Variants in RHBG observed in about 807,000 individuals in gnomAD.
RHBG encodes the protein ammonium transporter Rh type B.
A neutral mutation model predicts 40.1 loss-of-function variants in RHBG; 39 were observed. The observed-to-expected ratio is 0.97, with a 90% CI of 0.75 to 1.27. The LOEUF (loss-of-function observed/expected upper bound fraction) is 1.27. Ranked by LOEUF, RHBG falls within the 50% of genes most tolerant of loss-of-function variation. RHBG has a pLI of 0.00. For missense variants in RHBG, 549 were observed against 588.1 expected (o/e 0.93, Z 0.69); for synonymous variants, 237 against 252.5 (o/e 0.94, Z 0.58).
intron 1 of RHBG, among the ~76,000 whole-genome samples, chr1:156,370,494 C>T (rs1277873984): frequency 2.7e-5 from 4 of 150,660 alleles, no homozygotes; most frequent in East Asian, 1.9e-4. Flanking sequence ...CGCCTGTAAT[C>T]GCTGCTACTT....
At chr1:156,381,286 C>T in intron 4 of RHBG, 61 bp from the exon 5 acceptor site, 1 of 1,564,838 alleles carries the variant, frequency 6.4e-7, no homozygotes, top group Non-Finnish European at 8.8e-7. Context: ...AGTTATACAA[C>T]TTGTACCTTG....
intron 1 of RHBG, among the ~76,000 whole-genome samples, chr1:156,375,775 C>G (rs1177155646): frequency 6.6e-6 from 1 of 150,956 alleles, no homozygotes; most frequent in Non-Finnish European, 1.5e-5. Context: ...GAATCTCACT[C>G]TGTTGCCAGG....
At chr1:156,374,587 ATTTT>A (rs34071665) in intron 1 of RHBG, 114 of 381,080 alleles carry the variant, frequency 3.0e-4, no homozygotes, top group Admixed American at 8.8e-4. Context: ...ACAGGATTCC[ATTTT>A]TTTTTTTTTT....
rs780293488 is a variant in RHBG, at chr1:156,382,027, G to T, written c.979-41G>T. 6.8e-6 allele frequency: 11 copies of T among 1,610,166 alleles called. No homozygotes were observed. The South Asian group carries it at 9.9e-5, about 15-fold the overall frequency. On this transcript the variant is annotated intron_variant, in intron 6 of 9. Coordinates refer to ENST00000537040, the MANE Select transcript of RHBG (RefSeq NM_020407.5). ...CCTCTCCAACAGGATGAGGTGGTGG[G>T]GAGTGGGCACAGGAGACTCATGATC...
intron 1 of RHBG, among the ~76,000 whole-genome samples, chr1:156,369,893 G>C (rs1287436052): frequency 9.9e-5 from 15 of 152,272 alleles, no homozygotes; most frequent in Admixed American, 9.2e-4. Flanking sequence ...GAAGGTAAGA[G>C]TGGGGTTGTG....
rs1486961951 is a variant in RHBG at position 156,381,459 on chromosome 1, C to G, written c.786C>G (p.Thr262=). ...CATACTACTCCCTGGCTGCCAGCAC[C>G]CTTGGCACCTTTGCCTTGTCAGCCC... ...LNTYYSLAAS[T]LGTFALSALV... Residue 262 remains threonine, a synonymous_variant, in exon 5 of 10, where the codon ACC becomes ACG. Coordinates refer to ENST00000537040, the MANE Select transcript of RHBG (RefSeq NM_020407.5). The G allele has an allele frequency of 6.2e-7, 1 of 1,613,844 alleles. No individual in the cohort carries two copies. The highest frequency in any genetic ancestry group is 1.3e-5 in the African/African-American group (1 of 74,904).
At chr1:156,376,576 CTGG>C (rs1208002045) in intron 1 of RHBG, among the ~76,000 whole-genome samples, 1 of 152,140 alleles carries the variant, frequency 6.6e-6, no homozygotes, top group Non-Finnish European at 1.5e-5. Flanking sequence ...GTTGGCCAGG[CTGG>C]TCTTGAACTC....
intron 7 of RHBG, 46 bp downstream of exon 7, chr1:156,382,247 T>C: frequency 6.2e-7 from 1 of 1,613,038 alleles, no homozygotes; most frequent in Non-Finnish European, 8.5e-7. Context: ...CCATCTGGAA[T>C]GACCTCTGTC....
intron 8 of RHBG, among the ~76,000 whole-genome samples, chr1:156,383,133 C>T (rs531601058): frequency 6.6e-6 from 1 of 152,312 alleles, no homozygotes; most frequent in East Asian, 1.9e-4. Flanking sequence ...GTGCTGCTCC[C>T]TCTGCCCACT....
intron 1 of RHBG, among the ~76,000 whole-genome samples, chr1:156,374,069 C>T (rs141808903): frequency 6.5e-4 from 99 of 152,212 alleles, no homozygotes; most frequent in Non-Finnish European, 1.2e-3. Context: ...GGATGGGGGC[C>T]GCACAGCAGG....
chr1:156,377,894 C>T lies in RHBG; in HGVS notation c.375-96C>T. 1.6e-6 allele frequency: 2 copies of T among 1,272,386 alleles called. No homozygotes were observed. Among genetic ancestry groups the T allele is most frequent in the East Asian group, 4.8e-5 (2 of 41,406 alleles). The allele number at this position is 1,272,386 out of a possible 1,614,324, so 78.8% of individuals were successfully genotyped here. A position where few individuals can be genotyped will look rare whatever the true frequency, so the allele number is the denominator to read the frequency against. ...CTCCAGAACTCCAACCCCACCCCACCCACCACATCATGCTGTCCTGGCTTC... is the reference window on the plus strand; with the variant it reads ...CTCCAGAACTCCAACCCCACCCCACTCACCACATCATGCTGTCCTGGCTTC... On this transcript the variant is annotated intron_variant, in intron 2 of 9. Transcript: ENST00000537040. The surrounding 1 kb of genome is among the most constrained non-coding windows in gnomAD (Gnocchi z 4.6).
Position 156,378,358 on chromosome 1 carries a change from G to T in RHBG, c.632G>T (p.Arg211Leu), listed in dbSNP as rs759526546. 1.9e-5 allele frequency: 31 copies of T among 1,612,486 alleles called. No individual in the cohort carries two copies. Among genetic ancestry groups the T allele is most frequent in the Non-Finnish European group, 2.5e-5 (30 of 1,179,268 alleles). ...CCCCAGCTGGAGAAGAGCAAGCACC[G>T]CCAGGGCTCCGTCTACCATTCAGAC... ...YRPQLEKSKH[R>L]QGSVYHSDLF... The change falls in exon 4 of 10, where the codon CGC becomes CTC. Residue 211 changes from arginine to leucine, a missense_variant. Transcript: ENST00000537040.
chr1:156,370,469 G>A (rs1368866280), intron 1 of RHBG, among the ~76,000 whole-genome samples: 4 of 149,210 alleles, frequency 2.7e-5, no homozygotes, highest in South Asian at 4.2e-4. Flanking sequence ...AAAATTAGCC[G>A]AGCGTGGTGG....
intron 1 of RHBG, among the ~76,000 whole-genome samples, chr1:156,374,108 C>T (rs900548334): frequency 6.6e-6 from 1 of 152,140 alleles, no homozygotes; most frequent in African/African-American, 2.4e-5. Context: ...GCCTGAGCTC[C>T]ACCTCCTGTT....
chr1:156,378,306 C>CTCGTCCTT lies in RHBG; in HGVS notation c.584_591dup (p.Arg198SerfsTer29). 1.9e-6 allele frequency: 3 copies of CTCGTCCTT among 1,614,108 alleles called. No homozygotes were observed. Among genetic ancestry groups the CTCGTCCTT allele is most frequent in the Non-Finnish European group, 2.5e-6 (3 of 1,180,020 alleles). On this transcript the variant is annotated frameshift_variant, in exon 4 of 10. Coordinates refer to ENST00000537040, the MANE Select transcript of RHBG (RefSeq NM_020407.5). LOFTEE classifies it high-confidence loss of function. The stretch of plus-strand genomic sequence containing the variant: ...CCACACCTTTGGTGCCTACTTCGGG[C>CTCGTCCTT]TCGTCCTTTCGCGGGTTCTGTACAG...
intron 1 of RHBG, among the ~76,000 whole-genome samples, chr1:156,373,152 A>G (rs2842855): frequency 0.87 from 132,018 of 152,128 alleles, 57,609 homozygotes; most frequent in Non-Finnish European, 0.91. Flanking sequence ...GCTGGGCACC[A>G]TGGTTCATGC....
chr1:156,376,246 C>T (rs1271440363), intron 1 of RHBG, among the ~76,000 whole-genome samples: 1 of 152,154 alleles, frequency 6.6e-6, no homozygotes, highest in Middle Eastern at 3.2e-3. Flanking sequence ...CACCATGTTG[C>T]ACAACTCCAG....
At chr1:156,380,190 A>G (rs550302004) in intron 4 of RHBG, among the ~76,000 whole-genome samples, 1 of 143,860 alleles carries the variant, frequency 7.0e-6, no homozygotes, top group African/African-American at 2.6e-5. Context: ...GGCTCACTGC[A>G]ACCTCCACCT....
rs530916306 is a variant in RHBG, at chr1:156,377,293, C to T, written c.188-8C>T. ...CCCAAGTGCCCCGCCTGTCCCTGCC[C>T]GCTGCAGGCTTCCAGGACGTGCATG... On this transcript the variant is annotated splice_region_variant and splice_polypyrimidine_tract_variant and intron_variant, in intron 1 of 9. Transcript: ENST00000537040. The surrounding 1 kb of genome is among the most constrained non-coding windows in gnomAD (Gnocchi z 4.6). 2.4e-4 allele frequency: 388 copies of T among 1,612,344 alleles called. 2 individuals carry two copies. The South Asian group carries it at 3.4e-3, about 14-fold the overall frequency.
Sources: allele counts gnomAD v4.1 joint callset (sites outside exome capture counted in the v4.1 genomes callset), GRCh38; gene constraint gnomAD v4.1.1; non-coding constraint Gnocchi (gnomAD v3.1); transcripts MANE v1.5; gene names NCBI Gene and HGNC (gene_info 2026-07-23, HGNC 2026-07-21).